Variants in CA10 observed in about 807,000 individuals in gnomAD.
The protein encoded by CA10 is carbonic anhydrase 10 (inactive), also known as carbonic anhydrase-related protein 10.
In CA10, 14 loss-of-function variants were observed where a neutral mutation model predicts 44.2. The ratio of observed to expected loss-of-function variants is 0.32; its 90% CI spans 0.21 to 0.50. The LOEUF is 0.50. Ranked by LOEUF, CA10 falls within the 20% of genes least tolerant of loss-of-function variation. The pLI, the probability that CA10 is intolerant of heterozygous loss-of-function variation, is 0.99. For synonymous variants in CA10, 159 were observed against 141.6 expected, an observed-to-expected ratio of 1.12 and a Z score of -0.87; for missense variants, 350 against 409.7, an observed-to-expected ratio of 0.85 and a Z score of 1.26.
chr17:52,043,093 A>T (rs1412671364), intron 2 of CA10, among the ~76,000 whole-genome samples: 1 of 152,012 alleles, frequency 6.6e-6, no homozygotes, highest in Non-Finnish European at 1.5e-5. Context: ...TTGTGGTTGT[A>T]TGTGAAATCT....
At chr17:51,687,146 T>A (rs1915036595) in intron 4 of CA10, among the ~76,000 whole-genome samples, 1 of 152,182 alleles carries the variant, frequency 6.6e-6, no homozygotes, top group Admixed American at 6.5e-5. Context: ...ACCTTTATGA[T>A]CTCATTTTGT....
intron 3 of CA10, among the ~76,000 whole-genome samples, chr17:51,861,641 C>A (rs1251684562): frequency 6.6e-6 from 1 of 151,100 alleles, no homozygotes; most frequent in African/African-American, 2.4e-5. Context: ...AAAGAGAGAG[C>A]ATAGTAAAAA....
chr17:52,080,923 T>C (rs1158922097), intron 1 of CA10, among the ~76,000 whole-genome samples: 2 of 152,278 alleles, frequency 1.3e-5, no homozygotes, highest in Non-Finnish European at 1.5e-5. Flanking sequence ...AAACATCTAG[T>C]GAGTACCTAT....
chr17:51,949,824 C>T (rs533687596), intron 2 of CA10, among the ~76,000 whole-genome samples: 1 of 152,180 alleles, frequency 6.6e-6, no homozygotes, highest in East Asian at 1.9e-4. Flanking sequence ...TTTGTGGCCC[C>T]TGTGCAGCCT....
chr17:52,008,549 T>TG (rs138193215), intron 2 of CA10, among the ~76,000 whole-genome samples: 1 of 151,934 alleles, frequency 6.6e-6, no homozygotes, highest in East Asian at 1.9e-4. Flanking sequence ...TTCAATTTTT[T>TG]GTTTTTTTCT....
At chr17:51,955,088 A>T (rs1567898670) in intron 2 of CA10, among the ~76,000 whole-genome samples, 1 of 152,270 alleles carries the variant, frequency 6.6e-6, no homozygotes, top group East Asian at 1.9e-4. Context: ...GATGGCCTTC[A>T]TAAAGGAACT....
At chr17:51,918,845 C>A (rs1037279351) in intron 3 of CA10, among the ~76,000 whole-genome samples, 1 of 152,112 alleles carries the variant, frequency 6.6e-6, no homozygotes, top group African/African-American at 2.4e-5. Flanking sequence ...AAACATCTAA[C>A]TTTTTAAAAC....
At chr17:51,774,926 A>G (rs1299330166) in intron 3 of CA10, among the ~76,000 whole-genome samples, 3 of 152,170 alleles carry the variant, frequency 2.0e-5, no homozygotes, top group Non-Finnish European at 4.4e-5. Flanking sequence ...CCAAGCACTT[A>G]TAAGTACCCC....
At chr17:51,801,482 GA>G (rs911194066) in intron 3 of CA10, among the ~76,000 whole-genome samples, 8 of 150,352 alleles carry the variant, frequency 5.3e-5, no homozygotes, top group African/African-American at 1.2e-4. Context: ...CACACTAGAG[GA>G]AAAAAATTAA....
intron 2 of CA10, among the ~76,000 whole-genome samples, chr17:52,062,964 A>G (rs1240650517): frequency 6.6e-6 from 1 of 152,244 alleles, no homozygotes; most frequent in Non-Finnish European, 1.5e-5. Flanking sequence ...TCCAAACTGT[A>G]AAAGCAGCAA....
intron 2 of CA10, among the ~76,000 whole-genome samples, chr17:51,969,222 TG>T (rs1567904125): frequency 6.6e-6 from 1 of 152,058 alleles, no homozygotes; most frequent in African/African-American, 2.4e-5. Flanking sequence ...AACAGTAATA[TG>T]GTTATTACAA....
intron 4 of CA10, among the ~76,000 whole-genome samples, 181 bp from the exon 5 acceptor site, chr17:51,653,917 C>T (rs766886793): frequency 1.1e-4 from 17 of 152,196 alleles, no homozygotes; most frequent in African/African-American, 2.2e-4. Context: ...TGCATGTACA[C>T]GCACACAAAA....
chr17:51,659,502 C>A (rs1264131484), intron 4 of CA10, among the ~76,000 whole-genome samples: 1 of 152,052 alleles, frequency 6.6e-6, no homozygotes, highest in Non-Finnish European at 1.5e-5. Flanking sequence ...TCTGGAGAAC[C>A]CTGACTAATC....
At chr17:51,893,130 TAAA>T (rs1322094592) in intron 3 of CA10, among the ~76,000 whole-genome samples, 3 of 151,946 alleles carry the variant, frequency 2.0e-5, no homozygotes, top group Non-Finnish European at 4.4e-5. Flanking sequence ...GGCTAACAGA[TAAA>T]AAGACTATAA....
At chr17:51,794,383 T>C (rs10432044) in intron 3 of CA10, among the ~76,000 whole-genome samples, 82,258 of 152,098 alleles carry the variant, frequency 0.54, 24,319 homozygotes, top group East Asian at 0.7. Flanking sequence ...TTGAAGGTCA[T>C]ATAGCTAATT....
chr17:51,996,709 C>T (rs1466384983), intron 2 of CA10, among the ~76,000 whole-genome samples: 1 of 151,986 alleles, frequency 6.6e-6, no homozygotes, highest in Non-Finnish European at 1.5e-5. Flanking sequence ...CATAAAAATG[C>T]TTATTCAGTT....
intron 2 of CA10, among the ~76,000 whole-genome samples, chr17:51,990,325 T>A (rs1567911006): frequency 6.6e-6 from 1 of 152,140 alleles, no homozygotes; most frequent in Non-Finnish European, 1.5e-5. Flanking sequence ...TCAGAACACC[T>A]GCCAGGTGCT....
intron 3 of CA10, among the ~76,000 whole-genome samples, chr17:51,751,496 T>C (rs1904888779): frequency 6.6e-6 from 1 of 152,204 alleles, no homozygotes; most frequent in South Asian, 2.1e-4. Context: ...AATTAACTAA[T>C]ATATGTGATG....
At chr17:51,919,691 G>A (rs1188480880) in intron 3 of CA10, among the ~76,000 whole-genome samples, 12 of 152,036 alleles carry the variant, frequency 7.9e-5, no homozygotes, top group African/African-American at 2.2e-4. Context: ...TCACTTTGTC[G>A]CCCAGGTTGG....
Sources: allele counts gnomAD v4.1 joint callset (sites outside exome capture counted in the v4.1 genomes callset), GRCh38; gene constraint gnomAD v4.1.1; transcripts MANE v1.5; gene names NCBI Gene and HGNC (gene_info 2026-07-23, HGNC 2026-07-21).